Variants in GDF1 observed in about 807,000 individuals in gnomAD.
GDF1 encodes growth differentiation factor 1.
GDF1 carries 8 observed loss-of-function variants against 7.4 expected under a neutral mutation model. The observed-to-expected ratio is 1.09, with a 90% confidence interval of 0.64 to 1.96. GDF1 has a LOEUF of 1.96. Ranked by LOEUF, GDF1 falls within the 30% of genes most tolerant of loss-of-function variation. The pLI is 0.00. For synonymous variants in GDF1, 311 were observed against 276.7 expected, an observed-to-expected ratio of 1.12 and a Z score of -1.23; for missense variants, 574 against 551.5, an observed-to-expected ratio of 1.04 and a Z score of -0.41.
chr19:18,870,187 G>A lies in GDF1; in HGVS notation c.121C>T (p.Gln41Ter). 4 of 1,563,222 alleles carry A rather than the reference G, an allele frequency of 2.6e-6. No individual in the cohort carries two copies. The highest frequency in any genetic ancestry group is 1.7e-6 in the Non-Finnish European group (2 of 1,161,918). The stretch of plus-strand genomic sequence containing the variant: ...GGCTCATCGCGCAGTCCTAGAGCCT[G>A]GAGCAGGGCGGCGGCTGGGCCTGGG... The part of the protein sequence containing the change: ...VPPGPAAALL[Q>*]ALGLRDEPQG... Residue 41 changes from glutamine to a stop codon, truncating the protein, a stop_gained, in exon 7 of 8, where the codon CAG (glutamine) becomes TAG (stop). Transcript: ENST00000247005. LOFTEE classifies it high-confidence loss of function. This position sits in a 1 kb window ranked among gnomAD's most constrained non-coding sequence, Gnocchi z 5.1.
At position 18,893,584 on chromosome 19, in the gene GDF1, G is replaced by C; in HGVS notation, c.-1073-9C>G. The C allele has an allele frequency of 6.2e-7, 1 of 1,603,942 alleles. No homozygotes were observed. The highest frequency in any genetic ancestry group is 1.1e-5 in the South Asian group (1 of 89,310). On this transcript the variant is annotated splice_polypyrimidine_tract_variant and intron_variant, in intron 1 of 7. Transcript: ENST00000247005. ...CACCGCTTCGCCAGGGGCTATGGGGGAGAAGACAGGCGGGCAGCCATTGGT... is the reference window on the plus strand; with the variant it reads ...CACCGCTTCGCCAGGGGCTATGGGGCAGAAGACAGGCGGGCAGCCATTGGT...
intron 2 of GDF1, among the ~76,000 whole-genome samples, chr19:18,885,184 T>A (rs569639295): frequency 6.6e-6 from 1 of 152,176 alleles, no homozygotes; most frequent in Non-Finnish European, 1.5e-5. Flanking sequence ...CACATTATTA[T>A]CATTATATAC....
At position 18,896,097 on chromosome 19, in the gene GDF1, G is replaced by C; in HGVS notation, c.-1347C>G. ...TACCGCCCGCTCGCCCGCCGTGCCC[G>C]TCGCCTGCGCCCGCCCGCGGTAGCC... On this transcript the variant is annotated 5_prime_UTR_variant, in exon 1 of 8. Coordinates refer to ENST00000247005, the MANE Select transcript of GDF1 (RefSeq NM_001492.6). This position sits in a 1 kb window ranked among gnomAD's most constrained non-coding sequence, Gnocchi z 5.9. The C allele has an allele frequency of 1.1e-6, 1 of 903,692 alleles. No homozygotes were observed. The highest frequency in any genetic ancestry group is 1.3e-6 in the Non-Finnish European group (1 of 758,090). 56.0% of individuals were successfully genotyped at this position (903,692 alleles called of 1,614,324 possible). A position where few individuals can be genotyped will look rare whatever the true frequency, so the allele number is the denominator to read the frequency against.
intron 2 of GDF1, 23 bp from the exon 3 acceptor site, chr19:18,884,290 G>A (rs761949147): frequency 1.3e-6 from 2 of 1,599,232 alleles, no homozygotes; most frequent in Non-Finnish European, 1.7e-6. Context: ...AAATCTCACA[G>A]TCAGGGCCCT....
At chr19:18,893,808 G>A (rs1042251364) in intron 1 of GDF1, among the ~76,000 whole-genome samples, 1 of 152,058 alleles carries the variant, frequency 6.6e-6, no homozygotes, top group African/African-American at 2.4e-5. Context: ...TGAGGGGGGA[G>A]GCCCCGAGGG....
intron 2 of GDF1, 97 bp from the exon 3 acceptor site, chr19:18,884,364 C>T: frequency 8.6e-7 from 1 of 1,161,148 alleles, no homozygotes; most frequent in Non-Finnish European, 1.2e-6. Flanking sequence ...CGTGTCCTCC[C>T]AGTACCCAGG....
intron 6 of GDF1, among the ~76,000 whole-genome samples, chr19:18,874,155 C>A (rs2056022242): frequency 6.6e-6 from 1 of 152,166 alleles, no homozygotes; most frequent in South Asian, 2.1e-4. Context: ...AGCTGGACAT[C>A]CTCACCCGGC....
intron 6 of GDF1, among the ~76,000 whole-genome samples, chr19:18,871,267 C>T (rs1462636120): frequency 7.0e-6 from 1 of 142,514 alleles, no homozygotes; most frequent in Non-Finnish European, 1.5e-5. Context: ...TGCTCTGTTG[C>T]CTAGTCTGGA....
At position 18,879,408 on chromosome 19, in the gene GDF1, G is replaced by A. The variant is rs1166067525; in HGVS notation, c.-570-20C>T. On this transcript the variant is annotated intron_variant, in intron 4 of 7. Transcript: ENST00000247005. ...CAGAACCTGCGGTGGGAGGAGTCAG[G>A]AGGCCGTGGGTGGAGGGGGACGGTG... 1 of 1,552,958 alleles carries A rather than the reference G, an allele frequency of 6.4e-7. No homozygotes were observed. The highest frequency in any genetic ancestry group is 8.7e-7 in the Non-Finnish European group (1 of 1,148,202).
At chr19:18,876,671 C>T (rs952502363) in intron 6 of GDF1, among the ~76,000 whole-genome samples, 1 of 152,128 alleles carries the variant, frequency 6.6e-6, no homozygotes, top group African/African-American at 2.4e-5. Context: ...AGACGTGAGC[C>T]ACCACGCCTG....
chr19:18,871,209 CA>C (rs2055963965), intron 6 of GDF1, among the ~76,000 whole-genome samples: 1 of 149,474 alleles, frequency 6.7e-6, no homozygotes, highest in Admixed American at 6.8e-5. Flanking sequence ...AGGGGCACGC[CA>C]CCACTCCCAG....
Position 18,878,197 on chromosome 19 carries a change from C to G in GDF1, c.-313+733G>C. 1.0e-6 allele frequency: 1 copy of G among 985,608 alleles called. No individual in the cohort carries two copies. Among genetic ancestry groups the G allele is most frequent in the Non-Finnish European group, 1.2e-6 (1 of 830,082 alleles). The allele number at this position is 985,608 out of a possible 1,614,324, so 61.1% of individuals were successfully genotyped here. ...CAGGGCCTTCCACAACCTCCTGCCC[C>G]GGCTCCTGCTCAAACACTCCTCACG... On this transcript the variant is annotated intron_variant, in intron 6 of 7. Coordinates refer to ENST00000247005, the MANE Select transcript of GDF1 (RefSeq NM_001492.6). The surrounding 1 kb of genome is among the most constrained non-coding windows in gnomAD (Gnocchi z 4.6).
intron 6 of GDF1, among the ~76,000 whole-genome samples, chr19:18,872,502 C>T (rs1249632509): frequency 6.6e-6 from 1 of 151,778 alleles, no homozygotes; most frequent in Admixed American, 6.6e-5. Context: ...CATGCAACAC[C>T]ATGCCCGGGG....
In GDF1 at chr19:18,896,104, G is replaced by C; in HGVS notation, c.-1354C>G. The C allele has an allele frequency of 2.3e-6, 2 of 864,456 alleles. No individual in the cohort carries two copies. Among genetic ancestry groups the C allele is most frequent in the Non-Finnish European group, 2.8e-6 (2 of 722,504 alleles). The allele number at this position is 864,456 out of a possible 1,614,324, so 53.5% of individuals were successfully genotyped here. ...CGCTCGCCCGCCGTGCCCGTCGCCT[G>C]CGCCCGCCCGCGGTAGCCGACGGAG... On this transcript the variant is annotated 5_prime_UTR_variant, in exon 1 of 8. Transcript: ENST00000247005. The surrounding 1 kb of genome is among the most constrained non-coding windows in gnomAD (Gnocchi z 5.9).
intron 2 of GDF1, among the ~76,000 whole-genome samples, chr19:18,888,573 G>A (rs1442202882): frequency 2.8e-5 from 4 of 142,836 alleles, no homozygotes; most frequent in African/African-American, 7.9e-5. Context: ...GCTCATGCCT[G>A]TAATCCCAGC....
Position 18,869,086 on chromosome 19 carries a change from C to G in GDF1, c.630G>C (p.Pro210=). The change falls in exon 8 of 8, where the codon CCG becomes CCC. Residue 210 remains proline, a synonymous_variant. Transcript: ENST00000247005. Reference sequence around the variant, plus strand: ...GCGCCAGCGCCAGGCGGAGGCTGCGCGGCCATGAGGCGTTGCGAGCCCAAG... The same window carrying G: ...GCGCCAGCGCCAGGCGGAGGCTGCGGGGCCATGAGGCGTTGCGAGCCCAAG... The part of the protein sequence containing the change: ...GAAWARNASW[P]RSLRLALALR... 1 of 1,064,510 alleles carries G rather than the reference C, an allele frequency of 9.4e-7. No homozygotes were observed. Among genetic ancestry groups the G allele is most frequent in the Non-Finnish European group, 1.1e-6 (1 of 881,184 alleles). The allele number at this position is 1,064,510 out of a possible 1,614,324, so 65.9% of individuals were successfully genotyped here. A position where few individuals can be genotyped will look rare whatever the true frequency, so the allele number is the denominator to read the frequency against.
At chr19:18,884,550 G>C (rs1239585343) in intron 2 of GDF1, among the ~76,000 whole-genome samples, 1 of 151,756 alleles carries the variant, frequency 6.6e-6, no homozygotes, top group Non-Finnish European at 1.5e-5. Flanking sequence ...TAGGACTACA[G>C]GTGCATGCCA....
Position 18,869,226 on chromosome 19 carries a change from C to T in GDF1, c.490G>A (p.Glu164Lys). Reference sequence around the variant, plus strand: ...TGGCCCGCTTGCGCCACGCTCAGCTCCCAGCCGCCCTCCGGGGCTGCCGCC... The same window carrying T: ...TGGCCCGCTTGCGCCACGCTCAGCTTCCAGCCGCCCTCCGGGGCTGCCGCC... The part of the protein sequence containing the change: ...AAAAAPEGGW[E>K]LSVAQAGQGA... The change falls in exon 8 of 8, where the codon GAG becomes AAG. Residue 164 changes from glutamate (E) to lysine (K), a missense_variant. Transcript: ENST00000247005. 7.2e-7 allele frequency: 1 copy of T among 1,379,554 alleles called. No individual in the cohort carries two copies. Among genetic ancestry groups the T allele is most frequent in the Non-Finnish European group, 9.3e-7 (1 of 1,077,398 alleles). The allele number at this position is 1,379,554 out of a possible 1,614,324, so 85.5% of individuals were successfully genotyped here.
intron 3 of GDF1, chr19:18,881,762 T>C (rs2056215541): frequency 7.1e-6 from 1 of 140,730 alleles, no homozygotes; most frequent in Non-Finnish European, 1.5e-5. Flanking sequence ...TTCACTCCTT[T>C]CAGTCTCTGC....
Sources: allele counts gnomAD v4.1 joint callset (sites outside exome capture counted in the v4.1 genomes callset), GRCh38; gene constraint gnomAD v4.1.1; non-coding constraint Gnocchi (gnomAD v3.1); transcripts MANE v1.5; gene names NCBI Gene and HGNC (gene_info 2026-07-23, HGNC 2026-07-21).